Variants in BLNK observed in about 807,000 individuals in gnomAD.
The protein encoded by BLNK is B cell linker.
Under a neutral mutation model 73.5 loss-of-function variants are expected in BLNK, and 29 were observed. The observed-to-expected ratio is 0.39, with a 90% CI of 0.29 to 0.54. BLNK has a LOEUF of 0.54. BLNK is among the 20% of genes least tolerant of loss of function. BLNK has a pLI of 0.61. For missense variants in BLNK, 460 were observed against 562.8 expected, an observed-to-expected ratio of 0.82 and a Z score of 1.85; for synonymous variants, 176 against 200.8, an observed-to-expected ratio of 0.88 and a Z score of 1.04.
At chr10:96,192,196 AC>A in intron 16 of BLNK, 104 bp from the exon 17 acceptor site, 1 of 1,458,816 alleles carries the variant, frequency 6.9e-7, no homozygotes, top group Non-Finnish European at 9.5e-7. Context: ...AAGTTATTAC[AC>A]CCCAGCTGAC....
chr10:96,264,206 A>G (rs1554913658), intron 1 of BLNK, among the ~76,000 whole-genome samples: 1 of 152,234 alleles, frequency 6.6e-6, no homozygotes, highest in South Asian at 2.1e-4. Context: ...AAGAAGCAGA[A>G]TGGCCCCAAG....
rs372103176 is a variant in BLNK at position 96,227,364 on chromosome 10, C to G, written c.361+46G>C. The G allele has an allele frequency of 3.7e-6, 6 of 1,603,896 alleles. No homozygotes were observed. In the African/African-American group the frequency reaches 8.0e-5, roughly 21 times the overall value. ...CGCAATCTTGGACACCCCCACCTCC[C>G]CATGGGCCTGGAAGGCCGAGTGCCC... On this transcript the variant is annotated intron_variant, in intron 5 of 16. Transcript: ENST00000224337.
At chr10:96,234,896 T>C (rs781859494) in intron 3 of BLNK, among the ~76,000 whole-genome samples, 1 of 152,214 alleles carries the variant, frequency 6.6e-6, no homozygotes, top group Non-Finnish European at 1.5e-5. Context: ...GATTCCATGG[T>C]CTCTGCCAGG....
Position 96,240,986 on chromosome 10 carries a change from C to T in BLNK, c.163+1749G>A, listed in dbSNP as rs587758710. On this transcript the variant is annotated intron_variant, in intron 3 of 16. Transcript: ENST00000224337. Reference sequence around the variant, plus strand: ...AGATATTAAAGCCCAGAACAGGGTCCCTCTTTTAGTGCCAGACTGTACTGG... The same window carrying T: ...AGATATTAAAGCCCAGAACAGGGTCTCTCTTTTAGTGCCAGACTGTACTGG... 2.0e-5 allele frequency among the ~76,000 whole-genome samples: 3 copies of T among 152,286 alleles called. No individual in the cohort carries two copies. In the East Asian group the frequency reaches 5.8e-4, roughly 29 times the overall value.
chr10:96,193,661 C>T (rs2083384734), intron 16 of BLNK, among the ~76,000 whole-genome samples: 1 of 152,186 alleles, frequency 6.6e-6, no homozygotes, highest in African/African-American at 2.4e-5. Flanking sequence ...GAGACAGATA[C>T]ATTCAGTGTA....
chr10:96,198,750 G>A (rs1401345032), intron 15 of BLNK, among the ~76,000 whole-genome samples: 3 of 152,232 alleles, frequency 2.0e-5, no homozygotes, highest in Non-Finnish European at 4.4e-5. Context: ...CCAGGCTGGA[G>A]AGCAGTGGCA....
chr10:96,232,632 G>GCTT (rs1554904252), intron 3 of BLNK, among the ~76,000 whole-genome samples: 1 of 152,082 alleles, frequency 6.6e-6, no homozygotes, highest in Non-Finnish European at 1.5e-5. Flanking sequence ...GCCAAACATG[G>GCTT]GTCACACTTT....
chr10:96,234,838 G>A (rs191371943), intron 3 of BLNK, among the ~76,000 whole-genome samples: 4 of 152,226 alleles, frequency 2.6e-5, no homozygotes, highest in Admixed American at 6.5e-5. Context: ...AAATTTGGGG[G>A]AGAAGTTCAA....
chr10:96,243,110 G>T (rs3789927), intron 2 of BLNK, among the ~76,000 whole-genome samples: 57,895 of 152,006 alleles, frequency 0.38, 11,920 homozygotes, highest in African/African-American at 0.53. Flanking sequence ...AATGTTGATT[G>T]GTTGGTAAGG....
At chr10:96,238,384 C>T (rs1168498847) in intron 3 of BLNK, among the ~76,000 whole-genome samples, 2 of 152,132 alleles carry the variant, frequency 1.3e-5, no homozygotes, top group South Asian at 2.1e-4. Context: ...GGAAAGAGGA[C>T]ATAAATCCAA....
At chr10:96,266,787 C>T (rs2134153415) in intron 1 of BLNK, among the ~76,000 whole-genome samples, 2 of 152,286 alleles carry the variant, frequency 1.3e-5, no homozygotes, top group East Asian at 1.9e-4. Flanking sequence ...GGAGTTGGAA[C>T]CACAAATATG....
At chr10:96,266,240 A>G (rs1554914243) in intron 1 of BLNK, among the ~76,000 whole-genome samples, 1 of 152,240 alleles carries the variant, frequency 6.6e-6, no homozygotes, top group Non-Finnish European at 1.5e-5. Flanking sequence ...GTTTGGCACC[A>G]GCCCAGTTCT....
intron 11 of BLNK, chr10:96,204,927 GA>G: frequency 2.8e-6 from 1 of 361,472 alleles, no homozygotes. Flanking sequence ...GTGGAAGCCA[GA>G]AGATGAGAAC....
Position 96,243,583 on chromosome 10 carries a change from TG to T in BLNK, c.114-800del, listed in dbSNP as rs1554906817. Among the ~76,000 whole-genome samples, 54 of 152,210 alleles carry T rather than the reference TG, an allele frequency of 3.5e-4. No individual in the cohort carries two copies. In the South Asian group the frequency reaches 8.5e-3, roughly 24 times the overall value. On this transcript the variant is annotated intron_variant, in intron 2 of 16. Coordinates refer to ENST00000224337, the MANE Select transcript of BLNK (RefSeq NM_013314.4). ...AAAAGCCGAACAAGTGAACAGTGAG[TG>T]TCTCAGGATTGGAGATTATGAGACT...
intron 5 of BLNK, 28 bp downstream of exon 5, chr10:96,227,382 G>A (rs1480146499): frequency 5.0e-6 from 8 of 1,609,430 alleles, no homozygotes; most frequent in East Asian, 2.2e-5. Flanking sequence ...CTGGAAGGCC[G>A]AGTGCCCAGG....
chr10:96,216,803 A>G (rs587763360), intron 6 of BLNK, 69 bp from the exon 7 acceptor site: 3 of 1,334,084 alleles, frequency 2.2e-6, no homozygotes, highest in African/African-American at 2.9e-5. Context: ...GGAGGGAGTG[A>G]TTTTTTTAAA....
chr10:96,238,218 A>G (rs1376421448), intron 3 of BLNK, among the ~76,000 whole-genome samples: 2 of 151,962 alleles, frequency 1.3e-5, no homozygotes, highest in Non-Finnish European at 2.9e-5. Flanking sequence ...GTCCTTCTGT[A>G]CTCTAACTAG....
intron 2 of BLNK, among the ~76,000 whole-genome samples, chr10:96,243,839 T>C (rs189142492): frequency 6.6e-6 from 1 of 152,342 alleles, no homozygotes; most frequent in East Asian, 1.9e-4. Context: ...TTATTTTTAA[T>C]AATTATTACC....
intron 1 of BLNK, among the ~76,000 whole-genome samples, chr10:96,257,528 G>A (rs1357274845): frequency 2.0e-5 from 3 of 152,142 alleles, no homozygotes; most frequent in African/African-American, 7.2e-5. Context: ...GCCATACTGG[G>A]GCCTGAGACA....
Sources: gnomAD v4.1 joint callset for allele counts (sites outside exome capture counted in the v4.1 genomes callset) on GRCh38, gnomAD v4.1.1 for gene constraint, MANE v1.5 for transcripts, NCBI Gene and HGNC (gene_info 2026-07-23, HGNC 2026-07-21) for gene names.